Variants in EYS observed in about 807,000 individuals in gnomAD.
EYS encodes EGF-like photoreceptor maintenance factor.
EYS carries 250 observed loss-of-function variants against 282.1 expected under a neutral mutation model. The ratio of observed to expected loss-of-function variants is 0.89; its 90% CI spans 0.80 to 0.98. The LOEUF (loss-of-function observed/expected upper bound fraction) is 0.98, where lower values mean the gene tolerates loss of function less well. Among genes scored for constraint, EYS ranks in the 50% least tolerant of loss-of-function variants. The probability of loss-of-function intolerance (pLI) is 0.00; values close to 1 mark genes in which losing one functional copy is unlikely to be tolerated. For synonymous variants in EYS, 1,355 were observed against 1,282.9 expected (o/e 1.06, Z -1.20); for missense variants, 4,016 against 3,709.0 (o/e 1.08, Z -2.15).
At chr6:64,756,204 A>G (rs1398663447) in intron 22 of EYS, among the ~76,000 whole-genome samples, 1 of 152,166 alleles carries the variant, frequency 6.6e-6, no homozygotes, top group Non-Finnish European at 1.5e-5. Flanking sequence ...TTAAAGTCCA[A>G]TTCCATATAG....
chr6:63,944,889 G>A (rs748537075), intron 35 of EYS, among the ~76,000 whole-genome samples: 7 of 151,992 alleles, frequency 4.6e-5, no homozygotes, highest in Admixed American at 2.0e-4. Flanking sequence ...AGCCAAGATC[G>A]TGTCACCGCA....
At chr6:63,958,373 T>G (rs138589797) in intron 35 of EYS, among the ~76,000 whole-genome samples, 1 of 146,312 alleles carries the variant, frequency 6.8e-6, no homozygotes, top group East Asian at 2.0e-4. Flanking sequence ...AGAATAATGG[T>G]CATAGTGGAG....
intron 26 of EYS, among the ~76,000 whole-genome samples, chr6:64,525,213 G>A (rs1014136090): frequency 6.6e-6 from 1 of 151,528 alleles, no homozygotes; most frequent in Non-Finnish European, 1.5e-5. Context: ...CACCATGAGG[G>A]CACATGCACA....
intron 2 of EYS, among the ~76,000 whole-genome samples, chr6:65,583,841 A>G (rs1035181520): frequency 2.6e-5 from 4 of 152,078 alleles, no homozygotes; most frequent in African/African-American, 7.2e-5. Flanking sequence ...TTTATGTTTT[A>G]CACAAAATAG....
chr6:65,207,826 T>A (rs1317974758), intron 12 of EYS, among the ~76,000 whole-genome samples: 1 of 151,576 alleles, frequency 6.6e-6, no homozygotes, highest in Admixed American at 6.6e-5. Context: ...CTAGTCTACG[T>A]ATAACAATGA....
At position 64,307,047 on chromosome 6, in the gene EYS, T is replaced by C; in HGVS notation, c.6114A>G (p.Ile2038Met). 1 of 1,541,570 alleles carries C rather than the reference T, an allele frequency of 6.5e-7. No individual in the cohort carries two copies. Among genetic ancestry groups the C allele is most frequent in the Non-Finnish European group, 8.8e-7 (1 of 1,138,592 alleles). Reference sequence around the variant, plus strand: ...TCCAGTTATTTATTTCTATAACTTCTATGCAGCCAGTAAAATTCTTGACTG... The same window carrying C: ...TCCAGTTATTTATTTCTATAACTTCCATGCAGCCAGTAAAATTCTTGACTG... ...PVPVKNFTGC[I>M]EVIEINNWRS... Residue 2038 changes from isoleucine to methionine, a missense_variant, in exon 30 of 43, where the codon ATA becomes ATG. Ile to Met is a conservative substitution (Grantham distance 10). Coordinates refer to ENST00000503581, the MANE Select transcript of EYS (RefSeq NM_001142800.2).
chr6:65,102,576 A>T (rs976081987), intron 12 of EYS, among the ~76,000 whole-genome samples: 90 of 151,400 alleles, frequency 5.9e-4, no homozygotes, highest in African/African-American at 2.1e-3. Flanking sequence ...GTCCTAATTT[A>T]TGTATAAAAT....
In EYS at chr6:64,902,508, G is replaced by C; in HGVS notation, c.2642-8C>G. On this transcript the variant is annotated splice_polypyrimidine_tract_variant and splice_region_variant and intron_variant, in intron 16 of 42. Transcript: ENST00000503581. ...AGTTTTTACCTTCAAATTCTGCAAA[G>C]AGTATGAGATGAGTATGGATGAGCA... 6.6e-7 allele frequency: 1 copy of C among 1,505,694 alleles called. No homozygotes were observed. The allele number at this position is 1,505,694 out of a possible 1,614,324, so 93.3% of individuals were successfully genotyped here.
intron 31 of EYS, among the ~76,000 whole-genome samples, chr6:64,099,283 C>T (rs543412572): frequency 6.6e-6 from 1 of 152,272 alleles, no homozygotes; most frequent in African/African-American, 2.4e-5. Flanking sequence ...AGTAGTAAGC[C>T]TAATTAAGCA....
chr6:63,727,691 C>A (rs111366936), intron 41 of EYS, among the ~76,000 whole-genome samples: 3,138 of 81,652 alleles, frequency 0.038, 89 homozygotes, highest in South Asian at 0.15. Context: ...AGCAACATGG[C>A]GAAACACCAT....
intron 15 of EYS, among the ~76,000 whole-genome samples, chr6:64,926,949 A>G (rs1305196692): frequency 2.0e-5 from 3 of 152,174 alleles, no homozygotes; most frequent in Admixed American, 6.5e-5. Context: ...TTTTTTTACA[A>G]AAGAAAGCAG....
chr6:65,286,051 C>T (rs1268570530), intron 12 of EYS, among the ~76,000 whole-genome samples: 3 of 151,818 alleles, frequency 2.0e-5, no homozygotes, highest in African/African-American at 7.2e-5. Flanking sequence ...CACTTCCATA[C>T]TATGCCTTAA....
chr6:65,108,333 A>T (rs1775105449), intron 12 of EYS, among the ~76,000 whole-genome samples: 1 of 151,990 alleles, frequency 6.6e-6, no homozygotes, highest in Non-Finnish European at 1.5e-5. Flanking sequence ...AGCTCACTCC[A>T]CTCGCTCAGG....
At chr6:65,341,558 A>T (rs771001224) in intron 10 of EYS, among the ~76,000 whole-genome samples, 1 of 151,182 alleles carries the variant, frequency 6.6e-6, no homozygotes, top group Non-Finnish European at 1.5e-5. Flanking sequence ...TAATAGAGAG[A>T]TTACTGTGTA....
In EYS at chr6:64,623,147, T is replaced by C. The variant is rs148198703; in HGVS notation, c.3568+2974A>G. 4.5e-3 allele frequency among the ~76,000 whole-genome samples: 681 copies of C among 152,280 alleles called. 4 individuals are homozygous for C. The highest frequency in any genetic ancestry group is 0.015 in the African/African-American group (630 of 41,566). On this transcript the variant is annotated intron_variant, in intron 23 of 42. Transcript: ENST00000503581. ...ATGATTGGTCAATTCAATTTTTTAC[T>C]GTAGTAAGCACATTTAACATGAGCT...
intron 14 of EYS, among the ~76,000 whole-genome samples, chr6:64,952,552 G>C (rs1321169290): frequency 6.6e-6 from 1 of 151,924 alleles, no homozygotes; most frequent in Non-Finnish European, 1.5e-5. Flanking sequence ...TGTGATGTTT[G>C]TTTCCTTTAC....
At chr6:63,962,964 A>C (rs1303609429) in intron 35 of EYS, among the ~76,000 whole-genome samples, 1 of 152,156 alleles carries the variant, frequency 6.6e-6, no homozygotes, top group Non-Finnish European at 1.5e-5. Context: ...TTGTAGGGAC[A>C]TGGATGAAGC....
intron 31 of EYS, among the ~76,000 whole-genome samples, chr6:64,114,706 T>G (rs950990535): frequency 2.0e-5 from 3 of 152,122 alleles, no homozygotes; most frequent in African/African-American, 7.2e-5. Flanking sequence ...ACAGCCACCA[T>G]AGTAGGTGTG....
At chr6:65,508,731 A>T (rs987596278) in intron 2 of EYS, among the ~76,000 whole-genome samples, 1 of 152,120 alleles carries the variant, frequency 6.6e-6, no homozygotes, top group Non-Finnish European at 1.5e-5. Context: ...TGAGATAGAA[A>T]GTATACAGGG....
Sources: gnomAD v4.1 joint callset for allele counts (sites outside exome capture counted in the v4.1 genomes callset) on GRCh38, gnomAD v4.1.1 for gene constraint, MANE v1.5 for transcripts, NCBI Gene and HGNC (gene_info 2026-07-23, HGNC 2026-07-21) for gene names.